The following RC3H2 variants were observed in gnomAD, a reference collection of about 807,000 sequenced individuals.
RC3H2 encodes the protein ring finger and CCCH-type domains 2, also known as roquin-2.
In RC3H2, 31 loss-of-function variants were observed where a neutral mutation model predicts 133.3. The ratio of observed to expected loss-of-function variants is 0.23; its 90% CI spans 0.17 to 0.31. The LOEUF (loss-of-function observed/expected upper bound fraction) is 0.31, where lower values mean the gene tolerates loss of function less well. Among genes scored for constraint, RC3H2 ranks in the 10% least tolerant of loss-of-function variants. The pLI is 1.00. For missense variants in RC3H2, 1,175 were observed against 1,437.2 expected (o/e 0.82, Z 2.95); for synonymous variants, 517 against 502.2 (o/e 1.03, Z -0.40).
At chr9:122,891,016 T>C (rs1832145106) in intron 3 of RC3H2, among the ~76,000 whole-genome samples, 1 of 133,144 alleles carries the variant, frequency 7.5e-6, no homozygotes, top group Non-Finnish European at 1.6e-5. Context: ...TGCCCCATTT[T>C]TTTTTTTTTT....
intron 4 of RC3H2, among the ~76,000 whole-genome samples, chr9:122,884,822 C>T: frequency 6.7e-6 from 1 of 149,394 alleles, no homozygotes; most frequent in Admixed American, 6.7e-5. Flanking sequence ...CACTGCACTC[C>T]AGCCTGGCGA....
chr9:122,876,747 A>G (rs1401635245), intron 9 of RC3H2, among the ~76,000 whole-genome samples: 1 of 152,212 alleles, frequency 6.6e-6, no homozygotes, highest in Non-Finnish European at 1.5e-5. Context: ...AAAATTGGAT[A>G]ATAGTATTAA....
chr9:122,876,897 C>A (rs1347077624), intron 9 of RC3H2, among the ~76,000 whole-genome samples: 1 of 152,170 alleles, frequency 6.6e-6, no homozygotes, highest in African/African-American at 2.4e-5. Context: ...ATCTGCTTTA[C>A]CATTTTGCCT....
chr9:122,877,415 C>T, intron 9 of RC3H2, 56 bp downstream of exon 9: 2 of 1,373,876 alleles, frequency 1.5e-6, no homozygotes, highest in Non-Finnish European at 2.1e-6. Context: ...CTGTATATAA[C>T]ATTCCCATAA....
At position 122,854,772 on chromosome 9, in the gene RC3H2, G is replaced by T. The variant is rs183635950; in HGVS notation, c.2816-157C>A. 1.0e-3 allele frequency among the ~76,000 whole-genome samples: 154 copies of T among 152,278 alleles called. 1 individual carries two copies. In the Middle Eastern group the frequency reaches 0.01, roughly 10 times the overall value. The stretch of plus-strand genomic sequence containing the variant: ...GAGTTTCCCATGGTTGTTAAATGGA[G>T]GGAAATGTTTTCCATTTCACAAGTT... On this transcript the variant is annotated intron_variant, in intron 15 of 20. Transcript: ENST00000357244.
rs1161371362 is a variant in RC3H2 at position 122,847,257 on chromosome 9, AAAGAT to A, written c.*2365_*2369del. On this transcript the variant is annotated 3_prime_UTR_variant, in exon 21 of 21. Transcript: ENST00000357244. ...TTCAAAATTTCAATTTTAAAATTAAAAAGATAAGGTTAAATACACAAGATCAATTT... is the reference window on the plus strand; with the variant it reads ...TTCAAAATTTCAATTTTAAAATTAAAAAGGTTAAATACACAAGATCAATTT... 6.6e-6 allele frequency: 1 copy of A among 152,118 alleles called. No homozygotes were observed. Among genetic ancestry groups the A allele is most frequent in the East Asian group, 1.9e-4 (1 of 5,188 alleles). 9.4% of individuals were successfully genotyped at this position (152,118 alleles called of 1,614,324 possible).
chr9:122,905,142 G>T lies in RC3H2; in HGVS notation c.-100C>A. 1.0e-6 allele frequency: 1 copy of T among 985,436 alleles called. No homozygotes were observed. Among genetic ancestry groups the T allele is most frequent in the Non-Finnish European group, 1.2e-6 (1 of 829,934 alleles). 61.0% of individuals were successfully genotyped at this position (985,436 alleles called of 1,614,324 possible). A position where few individuals can be genotyped will look rare whatever the true frequency, so the allele number is the denominator to read the frequency against. ...GGCCCGGGCGGGGTCGCTAAGGGCCGCTCCCGGGAGCCCCGCGACGGCGCG... is the reference window on the plus strand; with the variant it reads ...GGCCCGGGCGGGGTCGCTAAGGGCCTCTCCCGGGAGCCCCGCGACGGCGCG... On this transcript the variant is annotated 5_prime_UTR_variant, in exon 1 of 21. Transcript: ENST00000357244.
chr9:122,851,345 T>C lies in RC3H2; in HGVS notation c.3209A>G (p.Asp1070Gly), dbSNP rs1192113509. Residue 1070 changes from aspartate to glycine, a missense_variant, in exon 19 of 21, where the codon GAT becomes GGT. By Grantham distance (94) the Asp-to-Gly change is moderately conservative (BLOSUM62 -1). Around this residue, in one of 8 missense-constraint regions of RC3H2, gnomAD observed 220 missense variants for 201.1 expected, o/e 1.09. Transcript: ENST00000357244. ...TACTTCAATTGGTTCACTTTGTCCATCAGGTTCATCAGTATCAAGTGCTGA... is the reference window on the plus strand; with the variant it reads ...TACTTCAATTGGTTCACTTTGTCCACCAGGTTCATCAGTATCAAGTGCTGA... ...ELSALDTDEP[D>G]GQSEPIEEIL... 1 of 1,614,056 alleles carries C rather than the reference T, an allele frequency of 6.2e-7. No homozygotes were observed. The highest frequency in any genetic ancestry group is 8.5e-7 in the Non-Finnish European group (1 of 1,179,988).
chr9:122,899,090 GTTTTTTT>G lies in RC3H2; in HGVS notation c.-67-1521_-67-1515del, dbSNP rs1183512993. Among the ~76,000 whole-genome samples the G allele has an allele frequency of 1.9e-3, 167 of 88,368 alleles. 1 individual carries two copies. Among genetic ancestry groups the G allele is most frequent in the African/African-American group, 7.3e-3 (151 of 20,766 alleles). 58.0% of individuals were successfully genotyped at this position (88,368 alleles called of 152,430 possible). A position where few individuals can be genotyped will look rare whatever the true frequency, so the allele number is the denominator to read the frequency against. On this transcript the variant is annotated intron_variant, in intron 1 of 20. Transcript: ENST00000357244. ...AAAAAATTCTATTAGCCTTTATTGTGTTTTTTTTTTTTTTTTTTTTTTTTTTTTCAGA... is the reference window on the plus strand; with the variant it reads ...AAAAAATTCTATTAGCCTTTATTGTGTTTTTTTTTTTTTTTTTTTTTCAGA...
At chr9:122,898,749 C>CAA (rs11433169) in intron 1 of RC3H2, among the ~76,000 whole-genome samples, 31,722 of 134,648 alleles carry the variant, frequency 0.24, 4,907 homozygotes, top group East Asian at 0.63. Flanking sequence ...AACTTAATCT[C>CAA]AAAAAAAAAA....
Position 122,897,180 on chromosome 9 carries a change from T to C in RC3H2, c.231+99A>G, listed in dbSNP as rs907791197. The C allele has an allele frequency of 9.1e-6, 9 of 988,254 alleles. No homozygotes were observed. The African/African-American group carries it at 1.3e-4, about 14-fold the overall frequency. The allele number at this position is 988,254 out of a possible 1,614,324, so 61.2% of individuals were successfully genotyped here. Reference sequence around the variant, plus strand: ...TGTTGGGCCGCATTCAAAGATGTCCTGGGCCACATGTAGCCTGCAGGCTGG... The same window carrying C: ...TGTTGGGCCGCATTCAAAGATGTCCCGGGCCACATGTAGCCTGCAGGCTGG... On this transcript the variant is annotated intron_variant, in intron 2 of 20. Coordinates refer to ENST00000357244, the MANE Select transcript of RC3H2 (RefSeq NM_001100588.3).
rs989361300 is a variant in RC3H2, at chr9:122,905,068, C to G, written c.-68+42G>C. ...GCCCGACCGCCGGGGACCAGGCACCCGGGCTGGGGCCCGAGCCGCATCGTG... is the reference window on the plus strand; with the variant it reads ...GCCCGACCGCCGGGGACCAGGCACCGGGGCTGGGGCCCGAGCCGCATCGTG... On this transcript the variant is annotated intron_variant, in intron 1 of 20. Transcript: ENST00000357244. 1.3e-3 allele frequency: 1,281 copies of G among 984,554 alleles called. 1 individual carries two copies. The highest frequency in any genetic ancestry group is 2.1e-3 in the Admixed American group (35 of 16,286). The allele number at this position is 984,554 out of a possible 1,614,324, so 61.0% of individuals were successfully genotyped here.
chr9:122,890,425 G>A lies in RC3H2; in HGVS notation c.470C>T (p.Ser157Phe). 2 of 1,614,102 alleles carry A rather than the reference G, an allele frequency of 1.2e-6. No individual in the cohort carries two copies. Among genetic ancestry groups the A allele is most frequent in the Non-Finnish European group, 1.7e-6 (2 of 1,180,016 alleles). ...GRVRAMRAAR[S>F]LGERTVTELI... Reference sequence around the variant, plus strand: ...TTCTGTTACAGTTCTTTCTCCAAGGGAACGAGCTGCTCGCATGGCTCTTAC... The same window carrying A: ...TTCTGTTACAGTTCTTTCTCCAAGGAAACGAGCTGCTCGCATGGCTCTTAC... The change falls in exon 4 of 21, where the codon TCC becomes TTC. Residue 157 changes from serine to phenylalanine, a missense_variant. Coordinates refer to ENST00000357244, the MANE Select transcript of RC3H2 (RefSeq NM_001100588.3).
chr9:122,887,485 G>A (rs2793002), intron 4 of RC3H2, among the ~76,000 whole-genome samples: 148,640 of 152,116 alleles, frequency 0.98, 72,727 homozygotes, highest in East Asian at 1. Context: ...CCTGCTCCCC[G>A]CCCAGCACAA....
chr9:122,901,999 G>A (rs890316047), intron 1 of RC3H2, among the ~76,000 whole-genome samples: 7 of 147,358 alleles, frequency 4.8e-5, no homozygotes, highest in Non-Finnish European at 1.0e-4. Context: ...GCGCGATCTC[G>A]GCTCACTGCA....
intron 8 of RC3H2, among the ~76,000 whole-genome samples, chr9:122,877,885 G>A (rs954843484): frequency 6.6e-6 from 1 of 151,872 alleles, no homozygotes; most frequent in Non-Finnish European, 1.5e-5. Flanking sequence ...TCAATTTATT[G>A]CTGTCTTAAA....
chr9:122,894,983 G>T (rs1042941596), intron 2 of RC3H2, among the ~76,000 whole-genome samples: 9 of 152,170 alleles, frequency 5.9e-5, no homozygotes, highest in African/African-American at 2.2e-4. Context: ...GTATATCTGA[G>T]AACTGGCTAA....
chr9:122,904,747 A>T (rs1469242483), intron 1 of RC3H2, among the ~76,000 whole-genome samples: 2 of 152,076 alleles, frequency 1.3e-5, no homozygotes, highest in East Asian at 3.9e-4. Context: ...AAGCTAGGAG[A>T]AGACTTGGTT....
At chr9:122,868,242 A>G (rs1318030040) in intron 9 of RC3H2, among the ~76,000 whole-genome samples, 8 of 152,248 alleles carry the variant, frequency 5.3e-5, no homozygotes, top group Non-Finnish European at 7.4e-5. Flanking sequence ...TGGGAGGTGT[A>G]CCCAACAGCT....
Sources: allele counts gnomAD v4.1 joint callset (sites outside exome capture counted in the v4.1 genomes callset), GRCh38; gene constraint gnomAD v4.1.1; regional missense constraint gnomAD v4.1.1; transcripts MANE v1.5; gene names NCBI Gene and HGNC (gene_info 2026-07-23, HGNC 2026-07-21).